Variants in ULK4 observed in about 807,000 individuals in gnomAD.
ULK4 encodes the protein inactive serine/threonine-protein kinase ULK4.
Under a neutral mutation model 160.6 loss-of-function variants are expected in ULK4, and 133 were observed. That is an observed-to-expected ratio of 0.83 (90% confidence interval 0.72 to 0.96). The LOEUF (loss-of-function observed/expected upper bound fraction) is 0.96. Among genes scored for constraint, ULK4 ranks in the 40% least tolerant of loss-of-function variants. The pLI is 0.00. For synonymous variants in ULK4, 534 were observed against 539.8 expected (o/e 0.99, Z 0.15); for missense variants, 1,580 against 1,499.5 (o/e 1.05, Z -0.89).
intron 35 of ULK4, among the ~76,000 whole-genome samples, chr3:41,379,694 C>T (rs1373951997): frequency 6.6e-6 from 1 of 152,138 alleles, no homozygotes; most frequent in Non-Finnish European, 1.5e-5. Context: ...TGTGGTTTAG[C>T]TCAACCTTAC....
At chr3:41,534,073 TG>T (rs542066226) in intron 32 of ULK4, among the ~76,000 whole-genome samples, 37 of 152,250 alleles carry the variant, frequency 2.4e-4, no homozygotes, top group Non-Finnish European at 4.7e-4. Context: ...CCCAAAGTGC[TG>T]GGATTACAGG....
intron 32 of ULK4, among the ~76,000 whole-genome samples, chr3:41,556,307 T>C (rs955424802): frequency 1.3e-5 from 2 of 152,096 alleles, no homozygotes; most frequent in Non-Finnish European, 2.9e-5. Context: ...ATTGAAAGTG[T>C]GTAGGAAATA....
At chr3:41,495,175 A>G (rs1274497435) in intron 32 of ULK4, among the ~76,000 whole-genome samples, 1 of 152,190 alleles carries the variant, frequency 6.6e-6, no homozygotes, top group Non-Finnish European at 1.5e-5. Context: ...ACCTGACTTC[A>G]AACTATACAA....
intron 35 of ULK4, among the ~76,000 whole-genome samples, chr3:41,287,243 G>C (rs752175123): frequency 6.6e-6 from 1 of 152,156 alleles, no homozygotes. Flanking sequence ...CAGGCAAGGG[G>C]TTCATAAAGG....
chr3:41,911,590 T>A lies in ULK4; in HGVS notation c.966A>T (p.Gln322His), dbSNP rs756688598. 6.2e-6 allele frequency: 10 copies of A among 1,614,086 alleles called. No homozygotes were observed. Among genetic ancestry groups the A allele is most frequent in the Non-Finnish European group, 7.6e-6 (9 of 1,180,032 alleles). Residue 322 changes from glutamine to histidine, a missense_variant, in exon 10 of 37, where the codon CAA (glutamine) becomes CAT (histidine). Coordinates refer to ENST00000301831, the MANE Select transcript of ULK4 (RefSeq NM_017886.4). Reference protein sequence around the residue: ...KELLQNSQSRQAKGHKSGQPL... With the variant: ...KELLQNSQSRHAKGHKSGQPL... ...GTTGACCACTCTTGTGCCCTTTTGC[T>A]TGTCTACTCTGAGAGTTCTGCAAAA...
chr3:41,865,268 C>CT (rs199584740), intron 17 of ULK4, among the ~76,000 whole-genome samples: 12 of 70,650 alleles, frequency 1.7e-4, no homozygotes, highest in African/African-American at 9.5e-4. Flanking sequence ...AAGACTCTGT[C>CT]TTTAAAAAAA....
chr3:41,440,833 G>T (rs996975020), intron 34 of ULK4, among the ~76,000 whole-genome samples: 12 of 152,044 alleles, frequency 7.9e-5, no homozygotes, highest in Non-Finnish European at 1.5e-4. Context: ...TAGACACAGG[G>T]TTATTCAGGT....
intron 29 of ULK4, among the ~76,000 whole-genome samples, chr3:41,679,666 T>C (rs1401642590): frequency 1.3e-5 from 2 of 152,222 alleles, no homozygotes; most frequent in Non-Finnish European, 2.9e-5. Flanking sequence ...GTTAACACTT[T>C]TTATTTCACA....
chr3:41,575,229 A>G (rs1482830761), intron 31 of ULK4, among the ~76,000 whole-genome samples: 4 of 152,246 alleles, frequency 2.6e-5, no homozygotes, highest in South Asian at 2.1e-4. Context: ...ATAAATATGT[A>G]TATGGATTTC....
intron 30 of ULK4, among the ~76,000 whole-genome samples, chr3:41,649,032 G>C (rs2034627900): frequency 6.6e-6 from 1 of 152,038 alleles, no homozygotes; most frequent in African/African-American, 2.4e-5. Context: ...GGAAGCTGAG[G>C]CAGGCGGGTT....
At chr3:41,647,792 C>T (rs1251800495) in intron 30 of ULK4, among the ~76,000 whole-genome samples, 3 of 152,182 alleles carry the variant, frequency 2.0e-5, no homozygotes, top group African/African-American at 7.2e-5. Context: ...GTGCCCTGCC[C>T]CCAGGGGTGG....
At chr3:41,445,619 G>T (rs2083280139) in intron 34 of ULK4, among the ~76,000 whole-genome samples, 1 of 152,150 alleles carries the variant, frequency 6.6e-6, no homozygotes, top group South Asian at 2.1e-4. Flanking sequence ...AACAAGAAAT[G>T]GGGAAAGGAT....
intron 35 of ULK4, among the ~76,000 whole-genome samples, chr3:41,368,709 T>G (rs2081301684): frequency 6.6e-6 from 1 of 152,250 alleles, no homozygotes; most frequent in Non-Finnish European, 1.5e-5. Context: ...TTGTAGCATG[T>G]ATCAGTACTT....
intron 22 of ULK4, among the ~76,000 whole-genome samples, chr3:41,719,310 A>G (rs765084017): frequency 1.3e-5 from 2 of 152,202 alleles, no homozygotes; most frequent in Non-Finnish European, 2.9e-5. Context: ...CCTACCAATG[A>G]TTTAAATTAC....
At chr3:41,613,381 T>A (rs897687698) in intron 31 of ULK4, among the ~76,000 whole-genome samples, 8 of 152,180 alleles carry the variant, frequency 5.3e-5, no homozygotes, top group African/African-American at 1.7e-4. Context: ...ATATCACTTT[T>A]AGGCATTTGT....
rs1698835121 is a variant in ULK4, at chr3:41,912,812, A to G, written c.891T>C (p.Ser297=). Residue 297 remains serine, a synonymous_variant, in exon 9 of 37, where the codon AGT becomes AGC. Coordinates refer to ENST00000301831, the MANE Select transcript of ULK4 (RefSeq NM_017886.4). ...ADQESSVEDL[S]LSRNTMECSG... ...CAAAGGTAAGTGTATACTACCTGAG[A>G]CTGAGATCTTCGACGCTTGATTCCT... The G allele has an allele frequency of 6.2e-7, 1 of 1,614,098 alleles. No individual in the cohort carries two copies. Among genetic ancestry groups the G allele is most frequent in the East Asian group, 2.2e-5 (1 of 44,860 alleles).
chr3:41,788,126 A>C (rs1188560422), intron 21 of ULK4, among the ~76,000 whole-genome samples: 1 of 152,246 alleles, frequency 6.6e-6, no homozygotes, highest in Non-Finnish European at 1.5e-5. Context: ...CTGAGGCACA[A>C]ATTTCTTAGC....
intron 12 of ULK4, among the ~76,000 whole-genome samples, chr3:41,904,100 A>G (rs1203908544): frequency 6.6e-6 from 1 of 151,940 alleles, no homozygotes; most frequent in Non-Finnish European, 1.5e-5. Flanking sequence ...TTACAATTAT[A>G]TATGTTTTGT....
chr3:41,659,916 G>A (rs2035085845), intron 30 of ULK4, among the ~76,000 whole-genome samples: 1 of 152,086 alleles, frequency 6.6e-6, no homozygotes, highest in Admixed American at 6.6e-5. Context: ...TATTGATACA[G>A]AAGCAAATCT....
Sources: gnomAD v4.1 joint callset for allele counts (sites outside exome capture counted in the v4.1 genomes callset) on GRCh38, gnomAD v4.1.1 for gene constraint, MANE v1.5 for transcripts, NCBI Gene and HGNC (gene_info 2026-07-23, HGNC 2026-07-21) for gene names.